The following LYSMD1 variants were observed in gnomAD, a reference collection of about 807,000 sequenced individuals.
LYSMD1 encodes LysM domain containing 1, also known as lysM and putative peptidoglycan-binding domain-containing protein 1.
A neutral mutation model predicts 19.3 loss-of-function variants in LYSMD1; 9 were observed. The observed-to-expected ratio is 0.47, with a 90% CI of 0.28 to 0.81. The LOEUF is 0.81. LYSMD1 is among the 40% of genes least tolerant of loss of function. The pLI, the probability that LYSMD1 is intolerant of heterozygous loss-of-function variation, is 0.11. For missense variants in LYSMD1, 262 were observed against 279.8 expected (o/e 0.94, Z 0.45); for synonymous variants, 111 against 111.7 (o/e 0.99, Z 0.04).
the LYSMD1 span, among the ~76,000 whole-genome samples, chr1:151,149,475 C>T: frequency 2.0e-5 from 3 of 152,044 alleles, no homozygotes; most frequent in African/African-American, 4.8e-5. Flanking sequence ...CCTGGCCGGG[C>T]GCAGTGACTC....
At chr1:151,159,060 C>G (rs76172995), downstream of LYSMD1, 7,307 of 1,614,146 alleles carry the variant, frequency 4.5e-3, 296 homozygotes, top group African/African-American at 0.084. Context: ...GCCTGCTGAC[C>G]GAGTGCCGGG....
In LYSMD1 at chr1:151,165,447, T is replaced by A. The variant is rs1484168481; in HGVS notation, c.-189A>T. 2 of 1,433,306 alleles carry A rather than the reference T, an allele frequency of 1.4e-6. No homozygotes were observed. The highest frequency in any genetic ancestry group is 2.9e-5 in the African/African-American group (2 of 69,486). The allele number at this position is 1,433,306 out of a possible 1,614,324, so 88.8% of individuals were successfully genotyped here. A position where few individuals can be genotyped will look rare whatever the true frequency, so the allele number is the denominator to read the frequency against. ...GTTTCTCCTCCCTCCAAGCTACTTATCCACAAATCTGTCCCTTGAGTATTC... is the reference window on the plus strand; with the variant it reads ...GTTTCTCCTCCCTCCAAGCTACTTAACCACAAATCTGTCCCTTGAGTATTC... On this transcript the variant is annotated 5_prime_UTR_variant, in exon 1 of 3. Coordinates refer to ENST00000368908, the MANE Select transcript of LYSMD1 (RefSeq NM_212551.5).
chr1:151,164,518 G>T (rs1246509576), intron 1 of LYSMD1, among the ~76,000 whole-genome samples: 2 of 152,082 alleles, frequency 1.3e-5, no homozygotes, highest in African/African-American at 4.8e-5. Context: ...TTGGTGTAGA[G>T]TACCTGTTTT....
chr1:151,158,989 G>A, downstream of LYSMD1: 2 of 1,614,286 alleles, frequency 1.2e-6, no homozygotes, highest in Non-Finnish European at 1.7e-6. Context: ...GCGGCAGGGT[G>A]CCATGACGGC....
downstream of LYSMD1, among the ~76,000 whole-genome samples, chr1:151,156,187 G>T: frequency 6.6e-6 from 1 of 150,388 alleles, no homozygotes; most frequent in East Asian, 1.9e-4. Flanking sequence ...GGCACCTGCT[G>T]GTCACCTGTG....
Position 151,165,848 on chromosome 1 carries a change from T to G in LYSMD1, c.-590A>C. ...TTGTTGTCCCTCCAAACGCCTCAGATCCGCCAAGATGCAAGGGCCTGGATC... is the reference window on the plus strand; with the variant it reads ...TTGTTGTCCCTCCAAACGCCTCAGAGCCGCCAAGATGCAAGGGCCTGGATC... On this transcript the variant is annotated 5_prime_UTR_variant, in exon 1 of 3. Transcript: ENST00000368908. 7.6e-7 allele frequency: 1 copy of G among 1,312,926 alleles called. No individual in the cohort carries two copies. The allele number at this position is 1,312,926 out of a possible 1,614,324, so 81.3% of individuals were successfully genotyped here. A position where few individuals can be genotyped will look rare whatever the true frequency, so the allele number is the denominator to read the frequency against.
chr1:151,165,351 G>A lies in LYSMD1; in HGVS notation c.-93C>T. 1.3e-6 allele frequency: 2 copies of A among 1,528,004 alleles called. No homozygotes were observed. The highest frequency in any genetic ancestry group is 1.8e-6 in the Non-Finnish European group (2 of 1,138,544). 94.7% of individuals were successfully genotyped at this position (1,528,004 alleles called of 1,614,324 possible). A position where few individuals can be genotyped will look rare whatever the true frequency, so the allele number is the denominator to read the frequency against. ...CTGAAGTCTGGGAATGAATATTCAG[G>A]GGATTCCTTTCCCCCTCTCTCTTCC... On this transcript the variant is annotated 5_prime_UTR_variant, in exon 1 of 3. Transcript: ENST00000368908.
At chr1:151,154,972 C>G (rs1448241852), downstream of LYSMD1, among the ~76,000 whole-genome samples, 1 of 152,092 alleles carries the variant, frequency 6.6e-6, no homozygotes, top group African/African-American at 2.4e-5. Context: ...GTTGGCCAGG[C>G]TGGTCTCAAA....
rs57906452 is a variant in LYSMD1, at chr1:151,163,878, T to TTGTGTGTG, written c.180+1193_180+1200dup. Among the ~76,000 whole-genome samples the TTGTGTGTG allele has an allele frequency of 9.0e-3, 1,280 of 142,020 alleles. 24 individuals are homozygous for TTGTGTGTG. The highest frequency in any genetic ancestry group is 0.03 in the African/African-American group (1,170 of 38,934). 93.2% of individuals were successfully genotyped at this position (142,020 alleles called of 152,430 possible). On this transcript the variant is annotated intron_variant, in intron 1 of 2. Coordinates refer to ENST00000368908, the MANE Select transcript of LYSMD1 (RefSeq NM_212551.5). The stretch of plus-strand genomic sequence containing the variant: ...TTTAATCTTTTCTGATTTCCTATCT[T>TTGTGTGTG]TGTGTGTGTGTGTGTGTGTGTGTGT...
Position 151,160,261 on chromosome 1 carries a change from A to G in LYSMD1, c.*621T>C. The G allele has an allele frequency of 6.9e-6, 1 of 145,634 alleles. No homozygotes were observed. The highest frequency in any genetic ancestry group is 2.0e-4 in the East Asian group (1 of 4,986). 9.0% of individuals were successfully genotyped at this position (145,634 alleles called of 1,614,324 possible). A position where few individuals can be genotyped will look rare whatever the true frequency, so the allele number is the denominator to read the frequency against. On this transcript the variant is annotated 3_prime_UTR_variant, in exon 3 of 3. Transcript: ENST00000368908. Reference sequence around the variant, plus strand: ...ACCAAAAAAAAAAAAAAAAAGAATCAGCCCAAATCTGTCACTTTGAGATTG... The same window carrying G: ...ACCAAAAAAAAAAAAAAAAAGAATCGGCCCAAATCTGTCACTTTGAGATTG...
intron 1 of LYSMD1, among the ~76,000 whole-genome samples, chr1:151,163,297 C>T (rs1558201969): frequency 6.6e-6 from 1 of 151,924 alleles, no homozygotes; most frequent in Non-Finnish European, 1.5e-5. Flanking sequence ...ATATTATTCA[C>T]CTCTTTAAAT....
downstream of LYSMD1, among the ~76,000 whole-genome samples, chr1:151,155,566 A>G (rs1056615332): frequency 1.3e-5 from 2 of 152,014 alleles, no homozygotes; most frequent in Non-Finnish European, 2.9e-5. Context: ...CCTCCTCTCT[A>G]CAAAAAAAAG....
downstream of LYSMD1, among the ~76,000 whole-genome samples, chr1:151,155,468 G>T (rs1241615619): frequency 6.6e-6 from 1 of 152,174 alleles, no homozygotes; most frequent in Non-Finnish European, 1.5e-5. Context: ...GGGTGCAGTG[G>T]CTCACGCCTG....
chr1:151,163,722 T>G (rs1683540781), intron 1 of LYSMD1, among the ~76,000 whole-genome samples: 1 of 151,522 alleles, frequency 6.6e-6, no homozygotes, highest in Non-Finnish European at 1.5e-5. Context: ...GAGATGGGGT[T>G]TCACCACATT....
At chr1:151,149,055 A>T in the LYSMD1 span, among the ~76,000 whole-genome samples, 2 of 152,236 alleles carry the variant, frequency 1.3e-5, no homozygotes, top group African/African-American at 2.4e-5. Flanking sequence ...AGATTTAGAA[A>T]GAAATACATG....
At position 151,162,114 on chromosome 1, in the gene LYSMD1, G is replaced by A. The variant is rs1451799887; in HGVS notation, c.181-14C>T. ...AATCTGTTCCATCTTAAAAAAAAAA[G>A]TCACCAAAATTAAGGACAGTAATAA... On this transcript the variant is annotated splice_polypyrimidine_tract_variant and intron_variant, in intron 1 of 2. Transcript: ENST00000368908. 9 of 1,477,634 alleles carry A rather than the reference G, an allele frequency of 6.1e-6. No individual in the cohort carries two copies. The highest frequency in any genetic ancestry group is 8.3e-6 in the Non-Finnish European group (9 of 1,085,072). The allele number at this position is 1,477,634 out of a possible 1,614,324, so 91.5% of individuals were successfully genotyped here.
downstream of LYSMD1, among the ~76,000 whole-genome samples, chr1:151,157,910 G>A (rs941904269): frequency 2.0e-5 from 3 of 152,188 alleles, no homozygotes; most frequent in East Asian, 1.9e-4. Flanking sequence ...AATGAGTTGC[G>A]TTTGATCTTG....
downstream of LYSMD1, among the ~76,000 whole-genome samples, chr1:151,155,074 T>A (rs1310145438): frequency 6.6e-6 from 1 of 152,214 alleles, no homozygotes; most frequent in Non-Finnish European, 1.5e-5. Context: ...GCAACTTTTT[T>A]AAAGTTTGCC....
rs1048560560 is a variant in LYSMD1, at chr1:151,160,754, G to A, written c.*128C>T. 1.2e-5 allele frequency: 15 copies of A among 1,214,222 alleles called. No homozygotes were observed. Among genetic ancestry groups the A allele is most frequent in the Non-Finnish European group, 1.6e-5 (14 of 870,626 alleles). 75.2% of individuals were successfully genotyped at this position (1,214,222 alleles called of 1,614,324 possible). ...CAAGGAATTTTTGGCAGACAAGGAG[G>A]CTGGGGAGGATGGCTGGAGTGGAGG... On this transcript the variant is annotated 3_prime_UTR_variant, in exon 3 of 3. Transcript: ENST00000368908.
Sources: allele counts gnomAD v4.1 joint callset (sites outside exome capture counted in the v4.1 genomes callset), GRCh38; gene constraint gnomAD v4.1.1; transcripts MANE v1.5; gene names NCBI Gene and HGNC (gene_info 2026-07-23, HGNC 2026-07-21).